KCNMB2: variants seen among roughly 807,000 people sequenced by gnomAD.
KCNMB2 encodes the protein calcium-activated potassium channel subunit beta-2.
KCNMB2 carries 9 observed loss-of-function variants against 24.5 expected under a neutral mutation model. The observed-to-expected ratio is 0.37, with a 90% CI of 0.22 to 0.64. KCNMB2 has a LOEUF of 0.64. Among genes scored for constraint, KCNMB2 ranks in the 30% least tolerant of loss-of-function variants. The pLI is 0.63. For synonymous variants in KCNMB2, 109 were observed against 104.4 expected (o/e 1.04, Z -0.27); for missense variants, 226 against 284.3 (o/e 0.79, Z 1.47).
chr3:178,743,642 T>C (rs1337522618), intron 1 of KCNMB2, among the ~76,000 whole-genome samples: 1 of 152,080 alleles, frequency 6.6e-6, no homozygotes, highest in Non-Finnish European at 1.5e-5. Flanking sequence ...ACAAAGTTCC[T>C]CTGACAGTAG....
At chr3:178,638,483 C>T (rs1719608463) in intron 1 of KCNMB2, among the ~76,000 whole-genome samples, 1 of 152,194 alleles carries the variant, frequency 6.6e-6, no homozygotes, top group Non-Finnish European at 1.5e-5. Flanking sequence ...CACCTCTTCT[C>T]TAAAGCTTTT....
At chr3:178,591,643 T>C (rs1318402612) in intron 1 of KCNMB2, among the ~76,000 whole-genome samples, 1 of 152,162 alleles carries the variant, frequency 6.6e-6, no homozygotes, top group Non-Finnish European at 1.5e-5. Context: ...TGGTGTGTTT[T>C]TATAATCTGG....
At chr3:178,589,335 G>C (rs1388288036) in intron 1 of KCNMB2, among the ~76,000 whole-genome samples, 2 of 152,142 alleles carry the variant, frequency 1.3e-5, no homozygotes, top group Non-Finnish European at 2.9e-5. Flanking sequence ...ACCACAGCCT[G>C]TGCTAATTCA....
At chr3:178,701,105 C>T in intron 1 of KCNMB2, among the ~76,000 whole-genome samples, 1 of 152,202 alleles carries the variant, frequency 6.6e-6, no homozygotes. Flanking sequence ...ACATTTAAGC[C>T]TTTAATCCAT....
At chr3:178,562,072 A>G (rs1716336389) in intron 1 of KCNMB2, among the ~76,000 whole-genome samples, 1 of 152,380 alleles carries the variant, frequency 6.6e-6, no homozygotes, top group Non-Finnish European at 1.5e-5. Context: ...AATATTGTAT[A>G]TAAAGCAATG....
intron 1 of KCNMB2, among the ~76,000 whole-genome samples, chr3:178,595,974 T>G (rs1420252780): frequency 6.6e-6 from 1 of 152,044 alleles, no homozygotes; most frequent in Non-Finnish European, 1.5e-5. Flanking sequence ...CAGGGGATCT[T>G]GAGCTTTCCG....
chr3:178,756,080 T>A (rs1385044589), intron 1 of KCNMB2, among the ~76,000 whole-genome samples: 2 of 152,000 alleles, frequency 1.3e-5, no homozygotes, highest in African/African-American at 4.8e-5. Context: ...ATGTGACAAA[T>A]CAGTTCAACT....
intron 1 of KCNMB2, among the ~76,000 whole-genome samples, chr3:178,700,893 C>T (rs11925746): frequency 0.016 from 2,407 of 152,174 alleles, 67 homozygotes; most frequent in African/African-American, 0.055. Context: ...AAATTTTCTC[C>T]CATTCTGTAG....
chr3:178,604,334 TACAA>T (rs1251878229), intron 1 of KCNMB2, among the ~76,000 whole-genome samples: 3 of 151,588 alleles, frequency 2.0e-5, no homozygotes, highest in Non-Finnish European at 4.4e-5. Flanking sequence ...AAAATAATGC[TACAA>T]ACAAAGTTTC....
intron 1 of KCNMB2, among the ~76,000 whole-genome samples, chr3:178,670,457 A>G (rs1030445588): frequency 6.6e-6 from 1 of 152,190 alleles, no homozygotes; most frequent in Non-Finnish European, 1.5e-5. Flanking sequence ...ACAGTAATTA[A>G]CACTTCTAGT....
At chr3:178,672,066 C>T (rs1326631423) in intron 1 of KCNMB2, among the ~76,000 whole-genome samples, 2 of 152,184 alleles carry the variant, frequency 1.3e-5, no homozygotes, top group African/African-American at 4.8e-5. Flanking sequence ...CAGCTTCCTC[C>T]TAACACCCTT....
At chr3:178,654,813 C>A (rs573607466) in intron 1 of KCNMB2, among the ~76,000 whole-genome samples, 1 of 152,118 alleles carries the variant, frequency 6.6e-6, no homozygotes, top group African/African-American at 2.4e-5. Flanking sequence ...AAAATGGTAT[C>A]ACATACTTGT....
At chr3:178,669,228 A>G (rs576950435) in intron 1 of KCNMB2, among the ~76,000 whole-genome samples, 1 of 152,290 alleles carries the variant, frequency 6.6e-6, no homozygotes, top group Non-Finnish European at 1.5e-5. Context: ...AGGGGAATTC[A>G]GGCTGCTTCT....
At chr3:178,619,872 G>T (rs1471596958) in intron 1 of KCNMB2, among the ~76,000 whole-genome samples, 2 of 152,134 alleles carry the variant, frequency 1.3e-5, no homozygotes, top group Non-Finnish European at 2.9e-5. Context: ...TCATATAAGA[G>T]CTTCCTCATT....
At chr3:178,818,554 T>G (rs1560033795) in intron 2 of KCNMB2, among the ~76,000 whole-genome samples, 2 of 152,224 alleles carry the variant, frequency 1.3e-5, no homozygotes, top group Non-Finnish European at 2.9e-5. Context: ...GTTAGTTTGC[T>G]GAGGATAATG....
intron 1 of KCNMB2, among the ~76,000 whole-genome samples, chr3:178,691,600 T>C (rs1721678640): frequency 6.6e-6 from 1 of 152,234 alleles, no homozygotes; most frequent in South Asian, 2.1e-4. Flanking sequence ...ATTCTTTTTA[T>C]GGCTGCATAG....
chr3:178,783,968 T>C (rs1481432266), intron 1 of KCNMB2, among the ~76,000 whole-genome samples: 1 of 152,192 alleles, frequency 6.6e-6, no homozygotes, highest in Non-Finnish European at 1.5e-5. Context: ...ATACGTCCCA[T>C]CAATATCTAA....
At chr3:178,774,866 T>A (rs1232439529) in intron 1 of KCNMB2, among the ~76,000 whole-genome samples, 2 of 152,226 alleles carry the variant, frequency 1.3e-5, no homozygotes, top group African/African-American at 2.4e-5. Flanking sequence ...TTTTAAATGT[T>A]GTGCATTCCT....
chr3:178,789,435 T>C (rs981875977), intron 1 of KCNMB2, among the ~76,000 whole-genome samples: 1 of 152,076 alleles, frequency 6.6e-6, no homozygotes, highest in Non-Finnish European at 1.5e-5. Context: ...AACACCTTCA[T>C]AAGAAGCAAA....
Sources: allele counts gnomAD v4.1 joint callset (sites outside exome capture counted in the v4.1 genomes callset), GRCh38; gene constraint gnomAD v4.1.1; transcripts MANE v1.5; gene names NCBI Gene and HGNC (gene_info 2026-07-23, HGNC 2026-07-21).